PLCG2: variants seen among roughly 807,000 people sequenced by gnomAD.
The protein encoded by PLCG2 is phospholipase C gamma 2.
A neutral mutation model predicts 175.6 loss-of-function variants in PLCG2; 69 were observed. That is an observed-to-expected ratio of 0.39 (90% CI 0.32 to 0.48). The LOEUF (loss-of-function observed/expected upper bound fraction) is 0.48, where lower values mean the gene tolerates loss of function less well. Ranked by LOEUF, PLCG2 falls within the 20% of genes least tolerant of loss-of-function variation. The probability of loss-of-function intolerance (pLI) is 0.91; values close to 1 mark genes in which losing one functional copy is unlikely to be tolerated. For missense variants in PLCG2, 1,798 were observed against 1,650.9 expected, an observed-to-expected ratio of 1.09 and a Z score of -1.54; for synonymous variants, 827 against 624.0, an observed-to-expected ratio of 1.33 and a Z score of -4.85.
chr16:81,899,289 T>TACACAC (rs111338797), intron 13 of PLCG2, among the ~76,000 whole-genome samples: 7 of 92,412 alleles, frequency 7.6e-5, no homozygotes, highest in African/African-American at 2.3e-4. Context: ...TATATATATA[T>TACACAC]ACACACACAC....
At chr16:81,743,466 G>T (rs750370620) in intron 1 of PLCG2, among the ~76,000 whole-genome samples, 1 of 152,244 alleles carries the variant, frequency 6.6e-6, no homozygotes, top group African/African-American at 2.4e-5. Flanking sequence ...AGCGACCTGC[G>T]TGGTCAAAAG....
chr16:81,817,525 C>T (rs995420239), intron 2 of PLCG2, among the ~76,000 whole-genome samples: 2 of 152,232 alleles, frequency 1.3e-5, no homozygotes, highest in Admixed American at 6.5e-5. Flanking sequence ...TTTGGTGTTG[C>T]TACAGCTTCA....
At chr16:81,919,782 C>T in intron 20 of PLCG2, 118 bp downstream of exon 20, 1 of 774,690 alleles carries the variant, frequency 1.3e-6, no homozygotes, top group South Asian at 1.8e-5. Context: ...TGCTGTAGGT[C>T]CTGGGGATAC....
intron 2 of PLCG2, among the ~76,000 whole-genome samples, chr16:81,850,256 A>G (rs989100969): frequency 7.2e-5 from 11 of 152,232 alleles, no homozygotes; most frequent in South Asian, 6.2e-4. Context: ...TTATGGTTCT[A>G]TAAGAAAGTG....
At chr16:81,761,166 G>C (rs948518333) in intron 2 of PLCG2, among the ~76,000 whole-genome samples, 2 of 152,110 alleles carry the variant, frequency 1.3e-5, no homozygotes, top group African/African-American at 2.4e-5. Flanking sequence ...CAAACTGCTG[G>C]CCTTACAGGT....
At chr16:81,763,246 C>G (rs1862587746) in intron 2 of PLCG2, among the ~76,000 whole-genome samples, 1 of 152,232 alleles carries the variant, frequency 6.6e-6, no homozygotes, top group Non-Finnish European at 1.5e-5. Flanking sequence ...GATTTGCAAG[C>G]TCCACTCAGC....
intron 1 of PLCG2, among the ~76,000 whole-genome samples, chr16:81,747,724 C>T (rs1463143690): frequency 6.6e-6 from 1 of 151,940 alleles, no homozygotes; most frequent in African/African-American, 2.4e-5. Flanking sequence ...AATGTTTAAC[C>T]TAAATCTATT....
intron 30 of PLCG2, among the ~76,000 whole-genome samples, chr16:81,942,170 C>A (rs1391602762): frequency 6.6e-6 from 1 of 152,182 alleles, no homozygotes; most frequent in African/African-American, 2.4e-5. Flanking sequence ...CCCTTGGTTA[C>A]CCCGACGTCC....
chr16:81,750,422 CA>C (rs35697599), intron 1 of PLCG2, among the ~76,000 whole-genome samples: 28,256 of 109,580 alleles, frequency 0.26, 2,929 homozygotes, highest in East Asian at 0.57. Context: ...GACTCTGTCT[CA>C]AAAAAAAAAA....
chr16:81,803,381 C>G (rs1911830212), intron 2 of PLCG2, among the ~76,000 whole-genome samples: 1 of 152,060 alleles, frequency 6.6e-6, no homozygotes. Context: ...CATATTGTAG[C>G]ATATTATCAA....
In PLCG2 at chr16:81,866,592, A is replaced by G. The variant is rs59256266; in HGVS notation, c.480-2622A>G. Among the ~76,000 whole-genome samples the G allele has an allele frequency of 8.3e-5, 6 of 72,700 alleles. 1 individual carries two copies. Among genetic ancestry groups the G allele is most frequent in the African/African-American group, 1.2e-4 (3 of 24,368 alleles). 47.7% of individuals were successfully genotyped at this position (72,700 alleles called of 152,430 possible). On this transcript the variant is annotated intron_variant, in intron 5 of 32. Transcript: ENST00000564138. Reference sequence around the variant, plus strand: ...TGGCCTCTCCCTTGCTCCCAAGATGAGCTCCACTGGGGCACTAGCATGAGA... The same window carrying G: ...TGGCCTCTCCCTTGCTCCCAAGATGGGCTCCACTGGGGCACTAGCATGAGA...
chr16:81,931,423 C>A, intron 24 of PLCG2, 74 bp from the exon 25 acceptor site: 1 of 1,461,764 alleles, frequency 6.8e-7, no homozygotes, highest in Non-Finnish European at 9.4e-7. Context: ...AGAAACAGCT[C>A]AGGCAGGGTG....
intron 7 of PLCG2, among the ~76,000 whole-genome samples, chr16:81,877,302 A>T (rs1907843828): frequency 6.6e-6 from 1 of 152,108 alleles, no homozygotes; most frequent in Non-Finnish European, 1.5e-5. Context: ...AAAATACAAA[A>T]AAAATTAGCT....
At position 81,870,828 on chromosome 16, in the gene PLCG2, TG is replaced by T. The variant is rs34761601; in HGVS notation, c.565-22del. 0.59 allele frequency: 805,398 copies of T among 1,355,990 alleles called. 244,772 individuals carry two copies. Among genetic ancestry groups the T allele is most frequent in the South Asian group, 0.62 (49,307 of 80,132 alleles). 84.0% of individuals were successfully genotyped at this position (1,355,990 alleles called of 1,614,324 possible). A position where few individuals can be genotyped will look rare whatever the true frequency, so the allele number is the denominator to read the frequency against. On this transcript the variant is annotated intron_variant, in intron 6 of 32. Coordinates refer to ENST00000564138, the MANE Select transcript of PLCG2 (RefSeq NM_002661.5). ...CTTACGGTGGACATCAAAAATCATG[TG>T]GTCACTTTTTTCATATTTACAGGAA...
intron 2 of PLCG2, among the ~76,000 whole-genome samples, chr16:81,787,817 G>A (rs1911049894): frequency 6.6e-6 from 1 of 151,942 alleles, no homozygotes; most frequent in African/African-American, 2.4e-5. Flanking sequence ...TCATAGAAAT[G>A]GATCCTATGT....
chr16:81,812,555 T>G (rs187439412), intron 2 of PLCG2, among the ~76,000 whole-genome samples: 21 of 152,228 alleles, frequency 1.4e-4, no homozygotes, highest in Non-Finnish European at 1.8e-4. Context: ...GTAAATTTGT[T>G]TAAGTTCTTT....
chr16:81,866,759 A>T (rs1378271700), intron 5 of PLCG2, among the ~76,000 whole-genome samples: 1 of 151,072 alleles, frequency 6.6e-6, no homozygotes, highest in Non-Finnish European at 1.5e-5. Context: ...TGCTCCCAGG[A>T]TGGGCTCCAC....
At chr16:81,832,480 C>G (rs1401395376) in intron 2 of PLCG2, among the ~76,000 whole-genome samples, 1 of 152,206 alleles carries the variant, frequency 6.6e-6, no homozygotes, top group Non-Finnish European at 1.5e-5. Context: ...ACCTCTGTCT[C>G]CTGGGTTCAA....
At chr16:81,843,329 A>T (rs1338834330) in intron 2 of PLCG2, among the ~76,000 whole-genome samples, 1 of 152,090 alleles carries the variant, frequency 6.6e-6, no homozygotes, top group African/African-American at 2.4e-5. Context: ...CCTTTCTCAC[A>T]CCTTTACACT....
Sources: gnomAD v4.1 joint callset for allele counts (sites outside exome capture counted in the v4.1 genomes callset) on GRCh38, gnomAD v4.1.1 for gene constraint, MANE v1.5 for transcripts, NCBI Gene and HGNC (gene_info 2026-07-23, HGNC 2026-07-21) for gene names.